Variants in EHBP1 observed in about 807,000 individuals in gnomAD.
EHBP1 encodes the protein EH domain-binding protein 1.
In EHBP1, 55 loss-of-function variants were observed where a neutral mutation model predicts 144.0. The ratio of observed to expected loss-of-function variants is 0.38; its 90% confidence interval spans 0.31 to 0.48. The LOEUF is 0.48. Among genes scored for constraint, EHBP1 ranks in the 20% least tolerant of loss-of-function variants. The pLI, the probability that EHBP1 is intolerant of heterozygous loss-of-function variation, is 0.98. For synonymous variants in EHBP1, 469 were observed against 472.7 expected (o/e 0.99, Z 0.10); for missense variants, 1,200 against 1,364.2 (o/e 0.88, Z 1.90).
At chr2:62,747,995 A>G (rs2039318563) in intron 3 of EHBP1, among the ~76,000 whole-genome samples, 1 of 152,052 alleles carries the variant, frequency 6.6e-6, no homozygotes, top group Admixed American at 6.6e-5. Flanking sequence ...AACTGTGAGA[A>G]AATAGATTTC....
intron 5 of EHBP1, among the ~76,000 whole-genome samples, chr2:62,823,586 G>A (rs551216973): frequency 5.9e-5 from 9 of 152,170 alleles, no homozygotes; most frequent in African/African-American, 2.2e-4. Flanking sequence ...TAGCAATGAT[G>A]TCCATCTTGG....
intron 10 of EHBP1, among the ~76,000 whole-genome samples, chr2:62,939,005 A>G (rs1394373092): frequency 6.6e-6 from 1 of 152,046 alleles, no homozygotes; most frequent in Admixed American, 6.6e-5. Context: ...TTTTACATGC[A>G]TTTTTTTCAT....
At chr2:62,871,487 T>A (rs1487101948) in intron 9 of EHBP1, among the ~76,000 whole-genome samples, 1 of 152,230 alleles carries the variant, frequency 6.6e-6, no homozygotes, top group Admixed American at 6.5e-5. Context: ...AGATTGCGCA[T>A]AAGCTAATGT....
chr2:63,029,726 A>G (rs990966415), intron 19 of EHBP1, among the ~76,000 whole-genome samples: 1 of 152,040 alleles, frequency 6.6e-6, no homozygotes, highest in Non-Finnish European at 1.5e-5. Flanking sequence ...GCTAAACTGA[A>G]CAAAAGCTAT....
intron 9 of EHBP1, among the ~76,000 whole-genome samples, chr2:62,867,757 A>G (rs925819199): frequency 1.9e-4 from 29 of 152,174 alleles, no homozygotes; most frequent in Admixed American, 5.9e-4. Flanking sequence ...AATCAAAACA[A>G]CTTTGAAAAA....
intron 8 of EHBP1, among the ~76,000 whole-genome samples, chr2:62,863,151 C>T (rs954565615): frequency 2.0e-5 from 3 of 151,954 alleles, no homozygotes; most frequent in East Asian, 3.9e-4. Flanking sequence ...GGCGTGGTGG[C>T]GCATGCCTAT....
At chr2:62,850,806 C>T (rs147901391) in intron 7 of EHBP1, among the ~76,000 whole-genome samples, 97 of 151,710 alleles carry the variant, frequency 6.4e-4, no homozygotes, top group African/African-American at 2.2e-3. Flanking sequence ...TAATTTTTTC[C>T]GATTGTAAAA....
Position 62,951,542 on chromosome 2 carries a change from G to GC in EHBP1, c.2316+2380_2316+2381insC, listed in dbSNP as rs1157941142. On this transcript the variant is annotated intron_variant, in intron 13 of 22. Coordinates refer to ENST00000431489, the MANE Select transcript of EHBP1 (RefSeq NM_001142616.3). ...TTTCTTTTTTTTTTTTTTGGGGGGG[G>GC]GGGGTGGAGTCTTGCCCTGTCACCC... Among the ~76,000 whole-genome samples the GC allele has an allele frequency of 2.8e-5, 4 of 142,656 alleles. No individual in the cohort carries two copies. In the East Asian group the frequency reaches 8.4e-4, roughly 30 times the overall value. The allele number at this position is 142,656 out of a possible 152,430, so 93.6% of individuals were successfully genotyped here. A position where few individuals can be genotyped will look rare whatever the true frequency, so the allele number is the denominator to read the frequency against.
At chr2:62,987,146 T>A (rs2059234138) in intron 15 of EHBP1, among the ~76,000 whole-genome samples, 1 of 152,178 alleles carries the variant, frequency 6.6e-6, no homozygotes, top group Non-Finnish European at 1.5e-5. Flanking sequence ...ATGTATAGAA[T>A]TCAAAATTAC....
intron 2 of EHBP1, among the ~76,000 whole-genome samples, chr2:62,734,490 G>A (rs1276153977): frequency 6.6e-6 from 1 of 150,676 alleles, no homozygotes; most frequent in Non-Finnish European, 1.5e-5. Context: ...CTTTTGATTA[G>A]TATTAGCATG....
chr2:62,716,122 C>T (rs1174128064), intron 2 of EHBP1, among the ~76,000 whole-genome samples: 8 of 151,970 alleles, frequency 5.3e-5, no homozygotes, highest in Admixed American at 2.0e-4. Context: ...CAATGTCCCA[C>T]CCATTTCTTG....
chr2:63,015,833 A>G (rs1331130308), intron 19 of EHBP1, among the ~76,000 whole-genome samples: 1 of 152,184 alleles, frequency 6.6e-6, no homozygotes, highest in Non-Finnish European at 1.5e-5. Context: ...CTAATATGAT[A>G]TACCGTGATA....
At chr2:62,863,003 C>A (rs1212107513) in intron 8 of EHBP1, among the ~76,000 whole-genome samples, 20 of 152,146 alleles carry the variant, frequency 1.3e-4, no homozygotes, top group Admixed American at 1.3e-3. Context: ...ACCACTGAGG[C>A]CGGGCACAGT....
intron 12 of EHBP1, among the ~76,000 whole-genome samples, chr2:62,945,312 T>G (rs945075409): frequency 1.3e-5 from 2 of 152,202 alleles, no homozygotes; most frequent in Admixed American, 1.3e-4. Context: ...TTTATCCATG[T>G]AAAACATTAT....
chr2:63,003,212 ACT>A (rs2059915198), intron 19 of EHBP1, among the ~76,000 whole-genome samples: 1 of 151,998 alleles, frequency 6.6e-6, no homozygotes, highest in Non-Finnish European at 1.5e-5. Flanking sequence ...AATAACAAAA[ACT>A]CTATTGACCA....
At chr2:63,037,129 C>T (rs2061471256) in intron 19 of EHBP1, among the ~76,000 whole-genome samples, 2 of 151,888 alleles carry the variant, frequency 1.3e-5, no homozygotes, top group Non-Finnish European at 2.9e-5. Context: ...CACACAATCT[C>T]TGGACTTCCC....
chr2:62,700,379 A>G (rs2034242782), intron 1 of EHBP1, among the ~76,000 whole-genome samples: 2 of 152,090 alleles, frequency 1.3e-5, no homozygotes, highest in Non-Finnish European at 2.9e-5. Flanking sequence ...ATCATAGTCA[A>G]TTTGGCAGGA....
chr2:62,975,213 C>T (rs1574314790), intron 14 of EHBP1, among the ~76,000 whole-genome samples: 1 of 152,276 alleles, frequency 6.6e-6, no homozygotes, highest in South Asian at 2.1e-4. Flanking sequence ...CTGCTGGGTT[C>T]CCAGAAAGAG....
chr2:62,699,782 T>C (rs1279683034), intron 1 of EHBP1, among the ~76,000 whole-genome samples: 2 of 152,226 alleles, frequency 1.3e-5, no homozygotes, highest in Non-Finnish European at 2.9e-5. Context: ...TCATTCACTG[T>C]GTTGCTCCAG....
Sources: gnomAD v4.1 joint callset for allele counts (sites outside exome capture counted in the v4.1 genomes callset) on GRCh38, gnomAD v4.1.1 for gene constraint, MANE v1.5 for transcripts, NCBI Gene and HGNC (gene_info 2026-07-23, HGNC 2026-07-21) for gene names.